The following NOX4 variants were observed in gnomAD, a reference collection of about 807,000 sequenced individuals.
NOX4 encodes NADPH oxidase 4.
In NOX4, 69 loss-of-function variants were observed where a neutral mutation model predicts 87.6. The ratio of observed to expected loss-of-function variants is 0.79; its 90% CI spans 0.65 to 0.96. NOX4 has a LOEUF of 0.96. Ranked by LOEUF, NOX4 falls within the 40% of genes least tolerant of loss-of-function variation. The probability of loss-of-function intolerance (pLI) is 0.00; values close to 1 mark genes in which losing one functional copy is unlikely to be tolerated. For synonymous variants in NOX4, 275 were observed against 238.2 expected (o/e 1.15, Z -1.42); for missense variants, 680 against 681.5 (o/e 1.00, Z 0.02).
chr11:89,352,486 G>T (rs1441526539), intron 13 of NOX4, among the ~76,000 whole-genome samples: 1 of 152,040 alleles, frequency 6.6e-6, no homozygotes, highest in Admixed American at 6.6e-5. Context: ...TGGTAGATCT[G>T]GGCAATGTAA....
chr11:89,559,951 G>A, the NOX4 span, among the ~76,000 whole-genome samples: 2 of 152,086 alleles, frequency 1.3e-5, no homozygotes, highest in Non-Finnish European at 1.5e-5. Context: ...GGGTTGCATT[G>A]TGTCCTGCAG....
intron 2 of NOX4, among the ~76,000 whole-genome samples, chr11:89,458,052 A>G (rs942059288): frequency 6.6e-6 from 1 of 152,226 alleles, no homozygotes; most frequent in African/African-American, 2.4e-5. Flanking sequence ...AATTAGAAAA[A>G]AAACTATTTT....
At chr11:89,340,702 T>C (rs1483922183) in intron 14 of NOX4, among the ~76,000 whole-genome samples, 5 of 152,190 alleles carry the variant, frequency 3.3e-5, no homozygotes, top group Admixed American at 6.5e-5. Flanking sequence ...TCATGTATGA[T>C]GTAATGCATT....
intron 13 of NOX4, among the ~76,000 whole-genome samples, chr11:89,354,212 T>C (rs1937807371): frequency 6.6e-6 from 1 of 152,182 alleles, no homozygotes; most frequent in African/African-American, 2.4e-5. Flanking sequence ...TAGATATTAG[T>C]TTATTTATTC....
At chr11:89,389,208 A>G (rs1467600290) in intron 11 of NOX4, among the ~76,000 whole-genome samples, 7 of 152,206 alleles carry the variant, frequency 4.6e-5, no homozygotes, top group Admixed American at 6.5e-5. Context: ...CCATCAAATC[A>G]GGATATCCTT....
At chr11:89,523,758 T>C in the NOX4 span, among the ~76,000 whole-genome samples, 1 of 152,152 alleles carries the variant, frequency 6.6e-6, no homozygotes, top group Non-Finnish European at 1.5e-5. Flanking sequence ...AAACAAAACA[T>C]GCTATACTCA....
chr11:89,426,399 G>A (rs1033576288), intron 7 of NOX4, among the ~76,000 whole-genome samples: 5 of 152,016 alleles, frequency 3.3e-5, no homozygotes, highest in Admixed American at 6.5e-5. Flanking sequence ...ACAGCCCACC[G>A]AGCATGAGCT....
chr11:89,347,804 T>G (rs1946283096), intron 13 of NOX4, among the ~76,000 whole-genome samples: 1 of 152,322 alleles, frequency 6.6e-6, no homozygotes, highest in Non-Finnish European at 1.5e-5. Flanking sequence ...ACCATTATCA[T>G]TTCTTGCCTG....
chr11:89,449,516 G>A lies in NOX4; in HGVS notation c.273C>T (p.Ser91=). 6.2e-7 allele frequency: 1 copy of A among 1,609,860 alleles called. No homozygotes were observed. Among genetic ancestry groups the A allele is most frequent in the Non-Finnish European group, 8.5e-7 (1 of 1,177,316 alleles). Residue 91 remains serine, a synonymous_variant, in exon 4 of 18, where the codon AGC becomes AGT. Coordinates refer to ENST00000263317, the MANE Select transcript of NOX4 (RefSeq NM_016931.5). ...TATCCAACAATCTCCTGGTTCTCCTGCTTGGAACCTAAACAAAAATCATTT... is the reference window on the plus strand; with the variant it reads ...TATCCAACAATCTCCTGGTTCTCCTACTTGGAACCTAAACAAAAATCATTT... ...AYLRGSQKVP[S]RRTRRLLDKS... is the part of the protein sequence containing the mutation.
intron 11 of NOX4, among the ~76,000 whole-genome samples, chr11:89,392,488 A>T (rs183612420): frequency 6.6e-6 from 1 of 152,320 alleles, no homozygotes; most frequent in African/African-American, 2.4e-5. Flanking sequence ...TCACTAAACC[A>T]GTATTTGTTC....
At chr11:89,393,034 G>T (rs1181655898) in intron 11 of NOX4, among the ~76,000 whole-genome samples, 1 of 152,122 alleles carries the variant, frequency 6.6e-6, no homozygotes, top group Non-Finnish European at 1.5e-5. Flanking sequence ...CCTCTAAAGT[G>T]CTGAAGACCT....
At chr11:89,501,843 A>T (rs79219045), upstream of NOX4, among the ~76,000 whole-genome samples, 288 of 152,138 alleles carry the variant, frequency 1.9e-3, 6 homozygotes, top group East Asian at 0.017. Context: ...AGTATTCACC[A>T]TTTCTACCCA....
At chr11:89,461,372 C>T (rs960136683) in intron 2 of NOX4, among the ~76,000 whole-genome samples, 87 of 151,624 alleles carry the variant, frequency 5.7e-4, no homozygotes, top group African/African-American at 1.9e-3. Context: ...AGGCCAGGTG[C>T]GGTGGGTTAC....
chr11:89,351,408 G>A (rs1220602607), intron 13 of NOX4, among the ~76,000 whole-genome samples: 2 of 152,172 alleles, frequency 1.3e-5, no homozygotes, highest in Non-Finnish European at 2.9e-5. Flanking sequence ...ATATTATCCA[G>A]AAGATCTAGC....
At chr11:89,537,861 T>C in the NOX4 span, among the ~76,000 whole-genome samples, 2 of 152,148 alleles carry the variant, frequency 1.3e-5, no homozygotes, top group African/African-American at 4.8e-5. Context: ...CTGTAGCATG[T>C]CTGTTTTTCA....
chr11:89,496,590 A>G (rs1322517741), upstream of NOX4, among the ~76,000 whole-genome samples: 4 of 151,884 alleles, frequency 2.6e-5, no homozygotes, highest in African/African-American at 2.4e-5. Context: ...TAAAAAAAAA[A>G]AGAGAAAAAA....
chr11:89,464,214 G>T (rs1945584696), intron 2 of NOX4, among the ~76,000 whole-genome samples: 2 of 151,948 alleles, frequency 1.3e-5, no homozygotes, highest in South Asian at 4.1e-4. Context: ...ATTCAAAGTG[G>T]ATTTAAGTGT....
chr11:89,441,459 T>A (rs1280615859), intron 5 of NOX4, among the ~76,000 whole-genome samples: 2 of 152,154 alleles, frequency 1.3e-5, no homozygotes, highest in Non-Finnish European at 2.9e-5. Flanking sequence ...CTCCATTGAA[T>A]CTGGGGTCAG....
At chr11:89,542,292 A>T in the NOX4 span, among the ~76,000 whole-genome samples, 1 of 152,238 alleles carries the variant, frequency 6.6e-6, no homozygotes, top group Admixed American at 6.5e-5. Context: ...CGAAAATATT[A>T]TATCTATTAT....
Sources: gnomAD v4.1 joint callset for allele counts (sites outside exome capture counted in the v4.1 genomes callset) on GRCh38, gnomAD v4.1.1 for gene constraint, MANE v1.5 for transcripts, NCBI Gene and HGNC (gene_info 2026-07-23, HGNC 2026-07-21) for gene names.